The following ARHGAP24 variants were observed in gnomAD, a reference collection of about 807,000 sequenced individuals.
ARHGAP24 encodes rho GTPase-activating protein 24.
Under a neutral mutation model 76.4 loss-of-function variants are expected in ARHGAP24, and 50 were observed. The observed-to-expected ratio is 0.65, with a 90% CI of 0.52 to 0.83. The LOEUF is 0.83. Among genes scored for constraint, ARHGAP24 ranks in the 40% least tolerant of loss-of-function variants. ARHGAP24 has a pLI of 0.00. For missense variants in ARHGAP24, 930 were observed against 914.2 expected, an observed-to-expected ratio of 1.02 and a Z score of -0.22; for synonymous variants, 345 against 323.3, an observed-to-expected ratio of 1.07 and a Z score of -0.72.
chr4:85,577,536 G>C (rs1727430054), intron 2 of ARHGAP24, among the ~76,000 whole-genome samples: 1 of 152,138 alleles, frequency 6.6e-6, no homozygotes. Flanking sequence ...CTGCAAAGGA[G>C]GCTGGACTTG....
chr4:85,833,453 C>A (rs887280050), intron 3 of ARHGAP24, among the ~76,000 whole-genome samples: 1 of 151,866 alleles, frequency 6.6e-6, no homozygotes, highest in Non-Finnish European at 1.5e-5. Flanking sequence ...CATGACCTCC[C>A]GTACTGTTTC....
At chr4:85,791,713 T>TG (rs1728137321) in intron 3 of ARHGAP24, among the ~76,000 whole-genome samples, 1 of 152,234 alleles carries the variant, frequency 6.6e-6, no homozygotes, top group South Asian at 2.1e-4. Flanking sequence ...CTAAGGACTC[T>TG]GCTGACCCAC....
chr4:85,902,388 A>G (rs1292626220), intron 3 of ARHGAP24, among the ~76,000 whole-genome samples: 2 of 152,138 alleles, frequency 1.3e-5, no homozygotes, highest in African/African-American at 2.4e-5. Flanking sequence ...TTGTTTCCAA[A>G]TGGTTGCATT....
intron 2 of ARHGAP24, among the ~76,000 whole-genome samples, chr4:85,581,530 A>T (rs910378329): frequency 6.6e-6 from 1 of 152,172 alleles, no homozygotes; most frequent in Non-Finnish European, 1.5e-5. Context: ...TCACTGACTT[A>T]GACATGAGTT....
rs540986406 is a variant in ARHGAP24, at chr4:85,537,036, A to C, written c.-20-33486A>C. ...CCTCATTATTTTTCTCAATTTATTC[A>C]AGGGAATATTAATTCAGAGAAGGAA... On this transcript the variant is annotated intron_variant, in intron 1 of 9. Coordinates refer to ENST00000395184, the MANE Select transcript of ARHGAP24 (RefSeq NM_001025616.3). 1.1e-4 allele frequency among the ~76,000 whole-genome samples: 16 copies of C among 152,248 alleles called. No homozygotes were observed. The South Asian group carries it at 3.3e-3, about 32-fold the overall frequency.
intron 2 of ARHGAP24, 99 bp from the exon 3 acceptor site, chr4:85,721,786 C>G: frequency 9.7e-7 from 1 of 1,025,866 alleles, no homozygotes. Context: ...TTACTGTATA[C>G]TGGGTTATAG....
chr4:85,853,346 G>T (rs1323332243), intron 3 of ARHGAP24, among the ~76,000 whole-genome samples: 1 of 152,290 alleles, frequency 6.6e-6, no homozygotes, highest in East Asian at 1.9e-4. Flanking sequence ...ACAGTATTTG[G>T]GTGGCAATAT....
intron 3 of ARHGAP24, among the ~76,000 whole-genome samples, chr4:85,802,798 GAACA>G (rs1728635047): frequency 1.3e-5 from 2 of 151,852 alleles, no homozygotes; most frequent in South Asian, 2.1e-4. Context: ...TCTCAAAAAC[GAACA>G]AACAAACAAA....
At chr4:85,713,549 A>G (rs1434123929) in intron 2 of ARHGAP24, among the ~76,000 whole-genome samples, 1 of 152,156 alleles carries the variant, frequency 6.6e-6, no homozygotes, top group Admixed American at 6.5e-5. Context: ...TGAAGGAGCC[A>G]ATAAATCACA....
At chr4:85,526,378 C>T (rs1447423021) in intron 1 of ARHGAP24, among the ~76,000 whole-genome samples, 10 of 145,124 alleles carry the variant, frequency 6.9e-5, no homozygotes, top group Non-Finnish European at 7.5e-5. Flanking sequence ...CGAGCCTGGG[C>T]GACAGAGCAA....
chr4:85,973,835 T>TTTG (rs1446148486), intron 6 of ARHGAP24, among the ~76,000 whole-genome samples: 3 of 44,328 alleles, frequency 6.8e-5, no homozygotes, highest in Admixed American at 2.3e-4. Context: ...TGCCTATTGT[T>TTTG]TTTTTTTTTT....
chr4:85,583,993 G>T (rs1012696439), intron 2 of ARHGAP24, among the ~76,000 whole-genome samples: 13 of 148,894 alleles, frequency 8.7e-5, no homozygotes, highest in Non-Finnish European at 1.5e-4. Flanking sequence ...CACTGTTGGT[G>T]GGACCGTAAA....
chr4:85,909,194 T>C (rs745584253), intron 3 of ARHGAP24, among the ~76,000 whole-genome samples: 1 of 152,172 alleles, frequency 6.6e-6, no homozygotes, highest in African/African-American at 2.4e-5. Context: ...AACTTTGAGG[T>C]GTTTGCAGAG....
chr4:85,547,372 G>A (rs933254817), intron 1 of ARHGAP24, among the ~76,000 whole-genome samples: 13 of 152,122 alleles, frequency 8.5e-5, no homozygotes, highest in African/African-American at 3.1e-4. Context: ...TACTACAGAA[G>A]TGATGTTGTG....
chr4:85,957,789 T>G (rs1386848867), intron 5 of ARHGAP24, among the ~76,000 whole-genome samples: 1 of 152,200 alleles, frequency 6.6e-6, no homozygotes, highest in African/African-American at 2.4e-5. Context: ...AGGAAAAATA[T>G]CTCATATGTG....
intron 1 of ARHGAP24, among the ~76,000 whole-genome samples, chr4:85,521,280 A>C (rs1724735172): frequency 6.6e-6 from 1 of 152,118 alleles, no homozygotes; most frequent in Non-Finnish European, 1.5e-5. Context: ...CCCCCATCCC[A>C]ACACTAACCT....
intron 3 of ARHGAP24, among the ~76,000 whole-genome samples, chr4:85,790,055 T>A (rs1453748936): frequency 6.6e-6 from 1 of 152,160 alleles, no homozygotes; most frequent in Non-Finnish European, 1.5e-5. Context: ...GAACTTAAAA[T>A]GCAAATTTCT....
intron 1 of ARHGAP24, among the ~76,000 whole-genome samples, chr4:85,564,516 A>T (rs1202847892): frequency 1.3e-5 from 2 of 151,832 alleles, no homozygotes; most frequent in African/African-American, 4.8e-5. Flanking sequence ...TGTTGTGCAC[A>T]TGGATCCTAG....
In ARHGAP24 at chr4:85,554,764, G is replaced by A. The variant is rs556158241; in HGVS notation, c.-20-15758G>A. 1.1e-4 allele frequency among the ~76,000 whole-genome samples: 16 copies of A among 151,978 alleles called. No homozygotes were observed. In the East Asian group the frequency reaches 1.9e-3, roughly 18 times the overall value. On this transcript the variant is annotated intron_variant, in intron 1 of 9. Coordinates refer to ENST00000395184, the MANE Select transcript of ARHGAP24 (RefSeq NM_001025616.3). The stretch of plus-strand genomic sequence containing the variant: ...TGGCCCACTGCAAGCTCCACCTCCC[G>A]GGTTCACGCCATTCTCCTGCCTCAG...
Sources: gnomAD v4.1 joint callset for allele counts (sites outside exome capture counted in the v4.1 genomes callset) on GRCh38, gnomAD v4.1.1 for gene constraint, MANE v1.5 for transcripts, NCBI Gene and HGNC (gene_info 2026-07-23, HGNC 2026-07-21) for gene names.